Variants in GNL3L observed in about 807,000 individuals in gnomAD.
GNL3L encodes the protein G protein nucleolar 3 like.
GNL3L carries 4 observed loss-of-function variants against 42.9 expected under a neutral mutation model. The observed-to-expected ratio is 0.09, with a 90% CI of 0.05 to 0.21. The LOEUF (loss-of-function observed/expected upper bound fraction) is 0.21, where lower values mean the gene tolerates loss of function less well. GNL3L is among the 10% of genes least tolerant of loss of function. GNL3L has a pLI of 1.00. For synonymous variants in GNL3L, 159 were observed against 176.3 expected (o/e 0.90, Z 0.78); for missense variants, 412 against 481.7 (o/e 0.86, Z 1.36).
intron 16 of GNL3L, among the ~76,000 whole-genome samples, chrX:54,600,189 T>G (rs956780054): frequency 2.9e-5 from 3 of 103,748 alleles, no homozygotes; most frequent in African/African-American, 1.1e-4. Context: ...GACTCTAGAT[T>G]TTATTCCAAT....
At chrX:54,637,269 G>A in the GNL3L span, among the ~76,000 whole-genome samples, 3 of 111,039 alleles carry the variant, frequency 2.7e-5, no homozygotes, top group Non-Finnish European at 3.8e-5. Context: ...TTATGACCCC[G>A]AAATTAAATT....
chrX:54,599,172 A>G (rs1925972613), intron 16 of GNL3L, among the ~76,000 whole-genome samples: 1 of 112,072 alleles, frequency 8.9e-6, no homozygotes, highest in African/African-American at 3.2e-5. Flanking sequence ...ACTTCTTGTC[A>G]GAAATAATGC....
intron 16 of GNL3L, among the ~76,000 whole-genome samples, chrX:54,583,593 A>G (rs1050658022): frequency 1.8e-5 from 2 of 110,625 alleles, no homozygotes; most frequent in African/African-American, 3.3e-5. Context: ...TATATGTTTT[A>G]TGATTTTAGG....
At chrX:54,543,163 C>T (rs1416116604) in intron 6 of GNL3L, 44 bp from the exon 7 acceptor site, 3 of 1,194,843 alleles carry the variant, frequency 2.5e-6, no homozygotes, top group Admixed American at 2.2e-5. Context: ...TCACTGCTAC[C>T]CTATCCTTTT....
At chrX:54,645,016 A>G in the GNL3L span, among the ~76,000 whole-genome samples, 1 of 111,305 alleles carries the variant, frequency 9.0e-6, no homozygotes, top group African/African-American at 3.3e-5. Context: ...GCTATTGTGA[A>G]GGGGATATTT....
chrX:54,574,687 GA>G (rs2147510912), intron 16 of GNL3L, among the ~76,000 whole-genome samples: 2 of 112,153 alleles, frequency 1.8e-5, no homozygotes, highest in African/African-American at 6.5e-5. Flanking sequence ...AAGAATTTGT[GA>G]AAGATTGTTA....
downstream of GNL3L, among the ~76,000 whole-genome samples, chrX:54,625,105 T>C (rs1449050192): frequency 9.0e-6 from 1 of 110,829 alleles, no homozygotes; most frequent in African/African-American, 3.3e-5. Flanking sequence ...ATTGAGCCCA[T>C]AACACTTTCC....
chrX:54,543,947 C>T (rs919948149), intron 7 of GNL3L: 17 of 271,604 alleles, frequency 6.3e-5, no homozygotes, highest in African/African-American at 1.1e-4. Flanking sequence ...ATGCTCCTGG[C>T]GCTGTTTTGG....
At chrX:54,599,299 A>G (rs1278854118) in intron 16 of GNL3L, among the ~76,000 whole-genome samples, 1 of 112,022 alleles carries the variant, frequency 8.9e-6, no homozygotes, top group African/African-American at 3.2e-5. Flanking sequence ...AGTTTCTCAG[A>G]GACAGAGGAA....
At position 54,552,391 on chromosome X, in the gene GNL3L, C is replaced by A. The variant is rs145652118; in HGVS notation, c.1281C>A (p.Ile427=). The A allele has an allele frequency of 1.7e-6, 2 of 1,210,013 alleles. No homozygotes were observed. The highest frequency in any genetic ancestry group is 2.2e-6 in the Non-Finnish European group (2 of 894,092). The part of the protein sequence containing the change: ...IVKEMTEVFD[I]EDTEQANEDT... ...AGGAAATGACCGAGGTCTTTGACAT[C>A]GAGGATACTGAGCAGGCCAATGAAG... Residue 427 remains isoleucine (I), a synonymous_variant, in exon 13 of 16, where the codon ATC becomes ATA. Coordinates refer to ENST00000360845, the MANE Select transcript of GNL3L (RefSeq NM_001184819.2).
chrX:54,607,072 C>CT (rs1231481886), intron 16 of GNL3L, among the ~76,000 whole-genome samples: 643 of 22,679 alleles, frequency 0.028, 52 homozygotes, highest in African/African-American at 0.088. Context: ...TTCTTTCTTT[C>CT]TCTTTCTTTC....
chrX:54,625,947 C>T (rs149825083), downstream of GNL3L, among the ~76,000 whole-genome samples: 19 of 110,829 alleles, frequency 1.7e-4, no homozygotes, highest in Non-Finnish European at 2.8e-4. Context: ...GGGATACAGA[C>T]GGATATTATG....
chrX:54,539,053 A>G lies in GNL3L; in HGVS notation c.33A>G (p.Pro11=), dbSNP rs776290724. Residue 11 remains proline, a synonymous_variant, in exon 3 of 16, where the codon CCA becomes CCG. Transcript: ENST00000360845. MMKLRHKNKK[P]GEGSKGHKKI... ...TTTCTTTTGTAGAAAATAAAAAGCC[A>G]GGTGAAGGTTCCAAGGGCCACAAGA... is the stretch of plus-strand genomic sequence containing the variant. 5.6e-4 allele frequency: 643 copies of G among 1,141,813 alleles called. 1 individual carries two copies. The highest frequency in any genetic ancestry group is 1.5e-4 in the Non-Finnish European group (126 of 841,213). 94.1% of individuals were successfully genotyped at this position (1,141,813 alleles called of 1,213,427 possible). A position where few individuals can be genotyped will look rare whatever the true frequency, so the allele number is the denominator to read the frequency against.
chrX:54,609,986 G>T (rs1926143458), intron 16 of GNL3L, among the ~76,000 whole-genome samples: 1 of 112,059 alleles, frequency 8.9e-6, no homozygotes, highest in African/African-American at 3.2e-5. Context: ...ATGAGCATGG[G>T]ATGTGTTTCC....
At chrX:54,560,346 A>G (rs1182251979) in intron 15 of GNL3L, among the ~76,000 whole-genome samples, 174 bp from the exon 16 acceptor site, 1 of 111,850 alleles carries the variant, frequency 8.9e-6, no homozygotes, top group East Asian at 2.8e-4. Flanking sequence ...TGGATTGTCT[A>G]CCTGTGAAGC....
At chrX:54,568,439 T>C (rs140110346), downstream of GNL3L, among the ~76,000 whole-genome samples, 122 of 111,809 alleles carry the variant, frequency 1.1e-3, no homozygotes, top group African/African-American at 3.9e-3. Flanking sequence ...GGTTACACTC[T>C]CTCCAGAGAC....
chrX:54,552,046 C>T, intron 12 of GNL3L, 72 bp downstream of exon 12: 5 of 1,110,632 alleles, frequency 4.5e-6, no homozygotes, highest in Non-Finnish European at 6.1e-6. Context: ...CATCTGTGCT[C>T]ATTGCCGCTG....
At chrX:54,609,988 T>C (rs909827606) in intron 16 of GNL3L, among the ~76,000 whole-genome samples, 1 of 112,318 alleles carries the variant, frequency 8.9e-6, no homozygotes, top group Non-Finnish European at 1.9e-5. Context: ...GAGCATGGGA[T>C]GTGTTTCCAT....
At chrX:54,612,174 T>A (rs1034589617) in intron 16 of GNL3L, among the ~76,000 whole-genome samples, 1 of 112,396 alleles carries the variant, frequency 8.9e-6, no homozygotes, top group African/African-American at 3.2e-5. Context: ...CATTATATAA[T>A]GTCCCTCTTT....
Sources: allele counts gnomAD v4.1 joint callset (sites outside exome capture counted in the v4.1 genomes callset), GRCh38; gene constraint gnomAD v4.1.1; transcripts MANE v1.5; gene names NCBI Gene and HGNC (gene_info 2026-07-23, HGNC 2026-07-21).